ADAMTS3: variants seen among roughly 807,000 people sequenced by gnomAD.
ADAMTS3 encodes the protein ADAM metallopeptidase with thrombospondin type 1 motif 3.
ADAMTS3 carries 73 observed loss-of-function variants against 129.0 expected under a neutral mutation model. The ratio of observed to expected loss-of-function variants is 0.57; its 90% CI spans 0.47 to 0.69. The LOEUF is 0.69. ADAMTS3 is among the 30% of genes least tolerant of loss of function. The pLI, the probability that ADAMTS3 is intolerant of heterozygous loss-of-function variation, is 0.00. For missense variants in ADAMTS3, 1,457 were observed against 1,514.5 expected (o/e 0.96, Z 0.63); for synonymous variants, 477 against 510.8 (o/e 0.93, Z 0.89).
intron 10 of ADAMTS3, among the ~76,000 whole-genome samples, chr4:72,316,714 A>C (rs1402448427): frequency 6.6e-6 from 1 of 151,520 alleles, no homozygotes; most frequent in African/African-American, 2.4e-5. Context: ...TAATAATAAT[A>C]ATCATAAATA....
At chr4:72,452,988 C>A (rs1718446421) in intron 3 of ADAMTS3, among the ~76,000 whole-genome samples, 1 of 151,716 alleles carries the variant, frequency 6.6e-6, no homozygotes, top group South Asian at 2.1e-4. Flanking sequence ...GCCCCTGGAT[C>A]CACGCTACAT....
At chr4:72,441,087 G>A (rs1718100385) in intron 3 of ADAMTS3, among the ~76,000 whole-genome samples, 1 of 151,592 alleles carries the variant, frequency 6.6e-6, no homozygotes, top group Non-Finnish European at 1.5e-5. Flanking sequence ...CCCTTCCCCA[G>A]GCAACCACTT....
intron 15 of ADAMTS3, among the ~76,000 whole-genome samples, chr4:72,306,480 T>G (rs1482465244): frequency 2.6e-5 from 4 of 152,038 alleles, no homozygotes; most frequent in Admixed American, 2.6e-4. Flanking sequence ...ATATGTTATC[T>G]GCTTACATGT....
chr4:72,423,991 A>C (rs1362241757), intron 3 of ADAMTS3, among the ~76,000 whole-genome samples: 1 of 152,092 alleles, frequency 6.6e-6, no homozygotes, highest in Non-Finnish European at 1.5e-5. Flanking sequence ...AATTTTATCT[A>C]TATTTCTATG....
rs548001411 is a variant in ADAMTS3 at position 72,316,956 on chromosome 4, A to G, written c.1486-985T>C. 2.0e-5 allele frequency among the ~76,000 whole-genome samples: 3 copies of G among 152,080 alleles called. No homozygotes were observed. In the East Asian group the frequency reaches 5.8e-4, roughly 29 times the overall value. ...ACAAGACTAGAGTCTTGGTTTTCATACTCTTCAGAATGGTTTTTATTTTCT... is the reference window on the plus strand; with the variant it reads ...ACAAGACTAGAGTCTTGGTTTTCATGCTCTTCAGAATGGTTTTTATTTTCT... On this transcript the variant is annotated intron_variant, in intron 10 of 21. Coordinates refer to ENST00000286657, the MANE Select transcript of ADAMTS3 (RefSeq NM_014243.3).
chr4:72,302,970 T>G (rs1222709740), intron 17 of ADAMTS3, among the ~76,000 whole-genome samples: 1 of 152,148 alleles, frequency 6.6e-6, no homozygotes, highest in Non-Finnish European at 1.5e-5. Context: ...ACACAAACTT[T>G]TATACATCCA....
chr4:72,313,588 G>T, intron 12 of ADAMTS3, 89 bp downstream of exon 12: 1 of 1,368,528 alleles, frequency 7.3e-7, no homozygotes, highest in South Asian at 1.4e-5. Context: ...TGTTTTACAT[G>T]CACTTTATAA....
chr4:72,351,391 T>G (rs1267055089), intron 4 of ADAMTS3, among the ~76,000 whole-genome samples: 3 of 151,906 alleles, frequency 2.0e-5, no homozygotes, highest in African/African-American at 7.2e-5. Flanking sequence ...TTGGACTTGA[T>G]GAAGTTAGGC....
At chr4:72,347,885 C>T (rs994744986) in intron 4 of ADAMTS3, among the ~76,000 whole-genome samples, 18 of 151,810 alleles carry the variant, frequency 1.2e-4, no homozygotes, top group African/African-American at 4.4e-4. Context: ...TCACAGCTGC[C>T]GTTTCAAAGC....
chr4:72,390,070 C>A (rs938856262), intron 4 of ADAMTS3, among the ~76,000 whole-genome samples: 3 of 152,084 alleles, frequency 2.0e-5, no homozygotes, highest in African/African-American at 7.2e-5. Context: ...GAGAGAAAAT[C>A]TATTTCTAGT....
At position 72,407,042 on chromosome 4, in the gene ADAMTS3, A is replaced by G. The variant is rs1259381402; in HGVS notation, c.661+7773T>C. 2.6e-5 allele frequency among the ~76,000 whole-genome samples: 4 copies of G among 152,176 alleles called. No individual in the cohort carries two copies. In the East Asian group the frequency reaches 7.7e-4, roughly 29 times the overall value. On this transcript the variant is annotated intron_variant, in intron 4 of 21. Coordinates refer to ENST00000286657, the MANE Select transcript of ADAMTS3 (RefSeq NM_014243.3). Reference sequence around the variant, plus strand: ...GTTGGGTCACCAAAGAGAAAGGGATATTAAAGGAGACAAAAACAACATATC... The same window carrying G: ...GTTGGGTCACCAAAGAGAAAGGGATGTTAAAGGAGACAAAAACAACATATC...
chr4:72,520,666 T>C (rs1720643218), intron 3 of ADAMTS3, among the ~76,000 whole-genome samples: 1 of 152,206 alleles, frequency 6.6e-6, no homozygotes, highest in African/African-American at 2.4e-5. Flanking sequence ...TATAATCTCC[T>C]GGTGCGCTGT....
intron 3 of ADAMTS3, among the ~76,000 whole-genome samples, chr4:72,434,188 T>G (rs1315924136): frequency 1.3e-5 from 2 of 151,684 alleles, no homozygotes; most frequent in Non-Finnish European, 2.9e-5. Context: ...CAAGAGAATT[T>G]AGGCACCTAA....
chr4:72,521,051 G>T (rs1720659563), intron 3 of ADAMTS3, among the ~76,000 whole-genome samples: 1 of 151,332 alleles, frequency 6.6e-6, no homozygotes, highest in Admixed American at 6.6e-5. Context: ...AGACTGGAGT[G>T]TAGTGGCATG....
chr4:72,436,261 A>G (rs370453650), intron 3 of ADAMTS3, among the ~76,000 whole-genome samples: 3 of 152,332 alleles, frequency 2.0e-5, no homozygotes, highest in Admixed American at 2.0e-4. Flanking sequence ...AAAAATGTTC[A>G]TCATCACTGG....
At chr4:72,453,153 T>A (rs887449026) in intron 3 of ADAMTS3, among the ~76,000 whole-genome samples, 1 of 151,824 alleles carries the variant, frequency 6.6e-6, no homozygotes, top group African/African-American at 2.4e-5. Context: ...TTTTTCCATT[T>A]ATTAACATTC....
intron 3 of ADAMTS3, among the ~76,000 whole-genome samples, chr4:72,436,353 A>G (rs547805947): frequency 3.0e-4 from 45 of 152,242 alleles, no homozygotes; most frequent in Admixed American, 1.6e-3. Flanking sequence ...AAGTCAGGAA[A>G]CAACAGGTGC....
At chr4:72,317,094 T>C (rs1002612778) in intron 10 of ADAMTS3, among the ~76,000 whole-genome samples, 3 of 152,208 alleles carry the variant, frequency 2.0e-5, no homozygotes, top group Admixed American at 6.5e-5. Flanking sequence ...TTACCAATCA[T>C]TATATTTTTA....
chr4:72,429,098 T>C (rs1040351512), intron 3 of ADAMTS3, among the ~76,000 whole-genome samples: 1 of 151,998 alleles, frequency 6.6e-6, no homozygotes, highest in Admixed American at 6.6e-5. Flanking sequence ...ATGCTACAAA[T>C]AGTAGTTGCC....
Sources: allele counts gnomAD v4.1 joint callset (sites outside exome capture counted in the v4.1 genomes callset), GRCh38; gene constraint gnomAD v4.1.1; transcripts MANE v1.5; gene names NCBI Gene and HGNC (gene_info 2026-07-23, HGNC 2026-07-21).